CHERP: variants seen among roughly 807,000 people sequenced by gnomAD.
CHERP encodes the protein calcium homeostasis endoplasmic reticulum protein, also known as ERPROT 213-21.
Under a neutral mutation model 113.8 loss-of-function variants are expected in CHERP, and 8 were observed. That is an observed-to-expected ratio of 0.07 (90% CI 0.04 to 0.13). The LOEUF is 0.13. Among genes scored for constraint, CHERP ranks in the 10% least tolerant of loss-of-function variants. The pLI is 1.00. For missense variants in CHERP, 884 were observed against 1,298.2 expected (o/e 0.68, Z 4.90); for synonymous variants, 559 against 524.5 (o/e 1.07, Z -0.90).
At position 16,522,526 on chromosome 19, in the gene CHERP, T is replaced by C. The variant is rs3786590; in HGVS notation, c.1980+526A>G. 7.8e-3 allele frequency among the ~76,000 whole-genome samples: 1,182 copies of C among 152,330 alleles called. 27 individuals are homozygous for C. The highest frequency in any genetic ancestry group is 0.064 in the East Asian group (332 of 5,172). ...CGCCCGCCTCGGCCTCCCAAAGTGC[T>C]GGGATTACAGGTGTGAGCCACTACG... On this transcript the variant is annotated intron_variant, in intron 11 of 16. Transcript: ENST00000546361.
At chr19:16,527,670 G>A (rs561177943) in intron 9 of CHERP, among the ~76,000 whole-genome samples, 5 of 152,294 alleles carry the variant, frequency 3.3e-5, no homozygotes, top group African/African-American at 7.2e-5. Context: ...GGGGCAACAC[G>A]GCTGACATTT....
At chr19:16,537,323 A>C (rs2085747881) in intron 2 of CHERP, among the ~76,000 whole-genome samples, 1 of 149,996 alleles carries the variant, frequency 6.7e-6, no homozygotes. Context: ...TTGGACCCTC[A>C]CATGCTGGGG....
rs535825825 is a variant in CHERP, at chr19:16,519,894, C to T, written c.2463-179G>A. 4.7e-5 allele frequency: 32 copies of T among 675,030 alleles called. No homozygotes were observed. Among genetic ancestry groups the T allele is most frequent in the African/African-American group, 1.4e-4 (8 of 55,936 alleles). The allele number at this position is 675,030 out of a possible 1,614,324, so 41.8% of individuals were successfully genotyped here. A position where few individuals can be genotyped will look rare whatever the true frequency, so the allele number is the denominator to read the frequency against. On this transcript the variant is annotated intron_variant, in intron 15 of 16. Transcript: ENST00000546361. The surrounding 1 kb of genome is among the most constrained non-coding windows in gnomAD (Gnocchi z 6.0). ...CTCAGCTAGATAAGGGGGCTCCAGA[C>T]GCTGGCCCCCACCCCACGCTCAGCA...
chr19:16,532,253 G>A lies in CHERP; in HGVS notation c.674+345C>T, dbSNP rs2085710747. Reference sequence around the variant, plus strand: ...AGGAGACAGACACAGAGGCCAAGGAGGCCGTGGCTGAGAAGGCAACAAGGA... The same window carrying A: ...AGGAGACAGACACAGAGGCCAAGGAAGCCGTGGCTGAGAAGGCAACAAGGA... On this transcript the variant is annotated intron_variant, in intron 5 of 16. Transcript: ENST00000546361. This position sits in a 1 kb window ranked among gnomAD's most constrained non-coding sequence, Gnocchi z 4.4. The A allele has an allele frequency of 1.2e-5, 3 of 252,772 alleles. No individual in the cohort carries two copies. The highest frequency in any genetic ancestry group is 1.5e-4 in the South Asian group (2 of 13,370). The allele number at this position is 252,772 out of a possible 1,614,324, so 15.7% of individuals were successfully genotyped here. A position where few individuals can be genotyped will look rare whatever the true frequency, so the allele number is the denominator to read the frequency against.
intron 3 of CHERP, among the ~76,000 whole-genome samples, chr19:16,534,502 A>T (rs2085728439): frequency 6.6e-6 from 1 of 152,008 alleles, no homozygotes; most frequent in South Asian, 2.1e-4. Flanking sequence ...TCTGAGACTG[A>T]GTCTTGCTCA....
chr19:16,530,701 G>A lies in CHERP; in HGVS notation c.787-27C>T. On this transcript the variant is annotated intron_variant, in intron 6 of 16. Coordinates refer to ENST00000546361, the MANE Select transcript of CHERP (RefSeq NM_006387.6). This position sits in a 1 kb window ranked among gnomAD's most constrained non-coding sequence, Gnocchi z 4.1. ...TGGCGGTGGGAGGAGAGAGAGGCCG[G>A]GTCAGTGGGGAGGGGAAAGGCCTGT... 2 of 1,613,988 alleles carry A rather than the reference G, an allele frequency of 1.2e-6. No homozygotes were observed. The highest frequency in any genetic ancestry group is 1.7e-6 in the Non-Finnish European group (2 of 1,179,890).
chr19:16,524,517 T>C (rs147074146), intron 10 of CHERP, among the ~76,000 whole-genome samples: 1,670 of 149,876 alleles, frequency 0.011, 13 homozygotes, highest in Non-Finnish European at 0.019. Context: ...GATTGTGCCA[T>C]TGCACTCCAG....
chr19:16,519,747 A>G lies in CHERP; in HGVS notation c.2463-32T>C, dbSNP rs1293421796. The G allele has an allele frequency of 6.5e-7, 1 of 1,546,880 alleles. No individual in the cohort carries two copies. Among genetic ancestry groups the G allele is most frequent in the Non-Finnish European group, 8.9e-7 (1 of 1,119,052 alleles). On this transcript the variant is annotated intron_variant, in intron 15 of 16. Coordinates refer to ENST00000546361, the MANE Select transcript of CHERP (RefSeq NM_006387.6). The surrounding 1 kb of genome is among the most constrained non-coding windows in gnomAD (Gnocchi z 6.0). ...TCGAGACAGGTTATTCTTTTTAAGA[A>G]GTAACTGAGACATTTATTGGAATGA...
At position 16,532,524 on chromosome 19, in the gene CHERP, G is replaced by A; in HGVS notation, c.674+74C>T. On this transcript the variant is annotated intron_variant, in intron 5 of 16. Transcript: ENST00000546361. The surrounding 1 kb of genome is among the most constrained non-coding windows in gnomAD (Gnocchi z 4.4). ...AGGCCAAGCCAAGCTACCGACCGGA[G>A]CAAGCGGCCACCCAGGAGGGTTGAG... 7 of 1,467,254 alleles carry A rather than the reference G, an allele frequency of 4.8e-6. No homozygotes were observed. Among genetic ancestry groups the A allele is most frequent in the Middle Eastern group, 2.3e-4 (1 of 4,406 alleles). The allele number at this position is 1,467,254 out of a possible 1,614,324, so 90.9% of individuals were successfully genotyped here.
intron 8 of CHERP, among the ~76,000 whole-genome samples, chr19:16,528,732 T>A (rs898875884): frequency 6.6e-6 from 1 of 152,126 alleles, no homozygotes; most frequent in African/African-American, 2.4e-5. Flanking sequence ...GGTGGGTGGA[T>A]CCCAAGGTCA....
intron 9 of CHERP, among the ~76,000 whole-genome samples, chr19:16,527,643 G>A (rs1051259319): frequency 1.3e-5 from 2 of 152,218 alleles, no homozygotes; most frequent in African/African-American, 4.8e-5. Context: ...TAGCAAAGCT[G>A]CATCTGAGGC....
chr19:16,526,459 G>A (rs1354233992), intron 9 of CHERP, among the ~76,000 whole-genome samples: 4 of 152,128 alleles, frequency 2.6e-5, no homozygotes, highest in Non-Finnish European at 5.9e-5. Context: ...TAAATATCAG[G>A]AACTACTTGT....
intron 8 of CHERP, among the ~76,000 whole-genome samples, chr19:16,528,869 C>T (rs922034848): frequency 4.6e-5 from 7 of 152,168 alleles, no homozygotes; most frequent in Admixed American, 6.5e-5. Flanking sequence ...AGGAGAATGG[C>T]GTGAACCCAG....
rs1357764335 is a variant in CHERP, at chr19:16,520,622, C to T, written c.2202-115G>A. The T allele has an allele frequency of 6.2e-6, 8 of 1,291,044 alleles. No homozygotes were observed. Among genetic ancestry groups the T allele is most frequent in the Non-Finnish European group, 8.7e-6 (8 of 921,272 alleles). The allele number at this position is 1,291,044 out of a possible 1,614,324, so 80.0% of individuals were successfully genotyped here. On this transcript the variant is annotated intron_variant, in intron 13 of 16. Transcript: ENST00000546361. This position sits in a 1 kb window ranked among gnomAD's most constrained non-coding sequence, Gnocchi z 4.0. ...GCAGGGGCTCTGGCTGTGGATGTGGCGCCATAGCCACAGCAACGGTACCAA... is the reference window on the plus strand; with the variant it reads ...GCAGGGGCTCTGGCTGTGGATGTGGTGCCATAGCCACAGCAACGGTACCAA...
chr19:16,535,425 C>G lies in CHERP; in HGVS notation c.384+27G>C, dbSNP rs1382689141. On this transcript the variant is annotated intron_variant, in intron 3 of 16. Transcript: ENST00000546361. This position sits in a 1 kb window ranked among gnomAD's most constrained non-coding sequence, Gnocchi z 4.3. ...AGAGGCACAGGGGAGCTGCTGGTGT[C>G]TGGCCGAGGAGGCGGCGGGCCCATA... The G allele has an allele frequency of 1.9e-6, 3 of 1,599,124 alleles. No homozygotes were observed. In the South Asian group the frequency reaches 3.4e-5, roughly 18 times the overall value.
In CHERP at chr19:16,520,589, C is replaced by A. The variant is rs1334624539; in HGVS notation, c.2202-82G>T. On this transcript the variant is annotated intron_variant, in intron 13 of 16. Coordinates refer to ENST00000546361, the MANE Select transcript of CHERP (RefSeq NM_006387.6). The surrounding 1 kb of genome is among the most constrained non-coding windows in gnomAD (Gnocchi z 4.0). The stretch of plus-strand genomic sequence containing the variant: ...CCCTGGCCCTCAGGTTCCTAGACCA[C>A]CCCAGATGCAGGGGCTCTGGCTGTG... The A allele has an allele frequency of 4.7e-6, 7 of 1,480,654 alleles. No homozygotes were observed. The African/African-American group carries it at 9.8e-5, about 21-fold the overall frequency. 91.7% of individuals were successfully genotyped at this position (1,480,654 alleles called of 1,614,324 possible).
rs1373291598 is a variant in CHERP at position 16,519,040 on chromosome 19, C to T, written c.*119G>A. 3.4e-5 allele frequency: 32 copies of T among 938,758 alleles called. No individual in the cohort carries two copies. The highest frequency in any genetic ancestry group is 4.9e-5 in the Non-Finnish European group (31 of 631,682). 58.2% of individuals were successfully genotyped at this position (938,758 alleles called of 1,614,324 possible). On this transcript the variant is annotated 3_prime_UTR_variant, in exon 17 of 17. Coordinates refer to ENST00000546361, the MANE Select transcript of CHERP (RefSeq NM_006387.6). This position sits in a 1 kb window ranked among gnomAD's most constrained non-coding sequence, Gnocchi z 6.0. ...TGGTCTTCCTTCTCTTCCTGTGGCT[C>T]TCCACAAGTGGAGACGGTGTAAGAA...
chr19:16,520,502 G>A lies in CHERP; in HGVS notation c.2207C>T (p.Pro736Leu). 1.2e-6 allele frequency: 2 copies of A among 1,612,556 alleles called. No individual in the cohort carries two copies. The highest frequency in any genetic ancestry group is 1.1e-5 in the South Asian group (1 of 90,826). Reference protein sequence around the residue: ...RKGQEKRNSGPSRSRSRSKSR... With the variant: ...RKGQEKRNSGLSRSRSRSKSR... ...CTTGGATCTGCTCCGAGACCTCGAG[G>A]GTCCGCTGTGGGGAGAGGCCTGATG... The change falls in exon 14 of 17, where the codon CCC becomes CTC. Residue 736 changes from proline to leucine, a missense_variant. Pro to Leu is a moderately conservative substitution (Grantham distance 98). Coordinates refer to ENST00000546361, the MANE Select transcript of CHERP (RefSeq NM_006387.6). This position sits in a 1 kb window ranked among gnomAD's most constrained non-coding sequence, Gnocchi z 4.0.
intron 12 of CHERP, chr19:16,521,194 T>C (rs1337825348): frequency 1.2e-5 from 7 of 579,388 alleles, no homozygotes; most frequent in African/African-American, 3.7e-5. Flanking sequence ...CACTGACTCA[T>C]GGGTGGACAG....
Sources: allele counts gnomAD v4.1 joint callset (sites outside exome capture counted in the v4.1 genomes callset), GRCh38; gene constraint gnomAD v4.1.1; non-coding constraint Gnocchi (gnomAD v3.1); transcripts MANE v1.5; gene names NCBI Gene and HGNC (gene_info 2026-07-23, HGNC 2026-07-21).